The following SHANK2 variants were observed in gnomAD, a reference collection of about 807,000 sequenced individuals.
SHANK2 encodes the protein SH3 and multiple ankyrin repeat domains protein 2.
SHANK2 carries 43 observed loss-of-function variants against 133.7 expected under a neutral mutation model. That is an observed-to-expected ratio of 0.32 (90% CI 0.25 to 0.41). SHANK2 has a LOEUF of 0.41. Among genes scored for constraint, SHANK2 ranks in the 10% least tolerant of loss-of-function variants. SHANK2 has a pLI of 1.00. For synonymous variants in SHANK2, 1,017 were observed against 952.8 expected (o/e 1.07, Z -1.24); for missense variants, 1,994 against 2,235.8 (o/e 0.89, Z 2.18).
chr11:70,614,699 C>T (rs1418780888), intron 17 of SHANK2, among the ~76,000 whole-genome samples: 1 of 152,248 alleles, frequency 6.6e-6, no homozygotes, highest in Non-Finnish European at 1.5e-5. Context: ...GTCTTTGTCT[C>T]AGTGACCAAA....
chr11:70,844,356 C>T lies in SHANK2; in HGVS notation c.1175-23674G>A, dbSNP rs553916816. On this transcript the variant is annotated intron_variant, in intron 11 of 25. Transcript: ENST00000601538. Reference sequence around the variant, plus strand: ...CGTTTTTCCATTTGGGTTGGGGGGCCGGGGGCGGGGCATGAAAATCTCTCC... The same window carrying T: ...CGTTTTTCCATTTGGGTTGGGGGGCTGGGGGCGGGGCATGAAAATCTCTCC... Among the ~76,000 whole-genome samples, 9 of 151,800 alleles carry T rather than the reference C, an allele frequency of 5.9e-5. No individual in the cohort carries two copies. The East Asian group carries it at 1.4e-3, about 23-fold the overall frequency.
At chr11:71,179,622 G>C (rs1260427285) in intron 2 of SHANK2, among the ~76,000 whole-genome samples, 1 of 152,156 alleles carries the variant, frequency 6.6e-6, no homozygotes, top group Non-Finnish European at 1.5e-5. Context: ...TGCATCCAGA[G>C]TGAGATGGAA....
chr11:70,865,788 A>T (rs1189207855), intron 11 of SHANK2, among the ~76,000 whole-genome samples: 3 of 152,204 alleles, frequency 2.0e-5, no homozygotes, highest in Non-Finnish European at 4.4e-5. Flanking sequence ...AGATAGATTC[A>T]TTCATTCATT....
At chr11:71,136,921 G>T (rs1952450205) in intron 3 of SHANK2, among the ~76,000 whole-genome samples, 1 of 152,096 alleles carries the variant, frequency 6.6e-6, no homozygotes, top group Non-Finnish European at 1.5e-5. Flanking sequence ...ACAGTGCAGT[G>T]GCGCGATCTC....
Position 70,489,511 on chromosome 11 carries a change from A to C in SHANK2, c.2552-163T>G, listed in dbSNP as rs551185030. 5.4e-6 allele frequency: 4 copies of C among 738,800 alleles called. No homozygotes were observed. In the African/African-American group the frequency reaches 6.9e-5, roughly 13 times the overall value. 45.8% of individuals were successfully genotyped at this position (738,800 alleles called of 1,614,324 possible). On this transcript the variant is annotated intron_variant, in intron 23 of 25. Transcript: ENST00000601538. ...TACAGTTATCCACCTGAGACTCACA[A>C]GCACGCTGCGCTTTTGCACAGCAGC...
Position 71,075,244 on chromosome 11 carries a change from TC to T in SHANK2, c.943del (p.Glu315SerfsTer10). On this transcript the variant is annotated frameshift_variant, in exon 9 of 26. Coordinates refer to ENST00000601538, the MANE Select transcript of SHANK2 (RefSeq NM_012309.5). LOFTEE classifies it high-confidence loss of function. ...ACRYGHVQHLEHLLFYGADMS... is the reference protein window; with the variant it reads ...ACRYGHVQHLXHLLFYGADMS... ...GTCTGCCCCGTAGAACAGCAGGTGC[TC>T]CAGGTGCTGCACGTGCCCGTACCTG... 2 of 249,582 alleles carry T rather than the reference TC, an allele frequency of 8.0e-6. No individual in the cohort carries two copies. The highest frequency in any genetic ancestry group is 7.3e-5 in the South Asian group (1 of 13,640). The allele number at this position is 249,582 out of a possible 1,614,324, so 15.5% of individuals were successfully genotyped here.
At chr11:71,147,607 C>T (rs1356334371) in intron 2 of SHANK2, among the ~76,000 whole-genome samples, 2 of 152,182 alleles carry the variant, frequency 1.3e-5, no homozygotes, top group African/African-American at 2.4e-5. Flanking sequence ...CTGGTACCAG[C>T]GCTGTGAAAC....
intron 17 of SHANK2, among the ~76,000 whole-genome samples, chr11:70,547,784 CA>C (rs2059713525): frequency 6.6e-6 from 1 of 152,188 alleles, no homozygotes; most frequent in South Asian, 2.1e-4. Flanking sequence ...CTTCCAAGTG[CA>C]AATTAACTCT....
At chr11:71,139,133 G>A (rs1184165675) in intron 3 of SHANK2, among the ~76,000 whole-genome samples, 1 of 152,188 alleles carries the variant, frequency 6.6e-6, no homozygotes, top group Non-Finnish European at 1.5e-5. Context: ...CACAGAATGG[G>A]ACACTCATTT....
Position 70,826,992 on chromosome 11 carries a change from A to T in SHANK2, c.1175-6310T>A, listed in dbSNP as rs113134951. On this transcript the variant is annotated intron_variant, in intron 11 of 25. Coordinates refer to ENST00000601538, the MANE Select transcript of SHANK2 (RefSeq NM_012309.5). ...CTGCACTGTGCTTTTCTATTTTTTT[A>T]AAAAAAAATTTTTTTAAAGAAAAAG... Among the ~76,000 whole-genome samples, 959 of 150,004 alleles carry T rather than the reference A, an allele frequency of 6.4e-3. 4 individuals carry two copies. The highest frequency in any genetic ancestry group is 0.027 in the Middle Eastern group (8 of 294).
intron 17 of SHANK2, among the ~76,000 whole-genome samples, chr11:70,528,691 G>A (rs1354719459): frequency 6.6e-6 from 1 of 151,992 alleles, no homozygotes; most frequent in African/African-American, 2.4e-5. Context: ...GCCCTGACAA[G>A]CGGGTCAGCT....
At chr11:70,649,496 A>G (rs1467958517) in intron 17 of SHANK2, among the ~76,000 whole-genome samples, 1 of 152,210 alleles carries the variant, frequency 6.6e-6, no homozygotes, top group Non-Finnish European at 1.5e-5. Context: ...TGGGGCACTT[A>G]GCACAGGGCC....
At chr11:71,209,101 C>G (rs1430693861) in intron 2 of SHANK2, among the ~76,000 whole-genome samples, 5 of 152,174 alleles carry the variant, frequency 3.3e-5, no homozygotes, top group Non-Finnish European at 7.3e-5. Flanking sequence ...AGCAGAACGT[C>G]CCTCTCAGGC....
chr11:70,699,675 GT>G (rs1945477885), intron 14 of SHANK2, among the ~76,000 whole-genome samples: 2 of 152,314 alleles, frequency 1.3e-5, no homozygotes, highest in African/African-American at 2.4e-5. Flanking sequence ...CAGTTCAAAA[GT>G]AAATAAGGGA....
chr11:71,152,803 G>A (rs1399093228), intron 2 of SHANK2, among the ~76,000 whole-genome samples: 1 of 152,174 alleles, frequency 6.6e-6, no homozygotes, highest in African/African-American at 2.4e-5. Context: ...GACTGGGAGG[G>A]TCTTGACCTT....
intron 2 of SHANK2, among the ~76,000 whole-genome samples, chr11:71,199,838 G>A (rs1348911504): frequency 7.2e-5 from 11 of 152,228 alleles, no homozygotes; most frequent in South Asian, 4.1e-4. Flanking sequence ...GGACAGAGTC[G>A]GGGGTATTAA....
chr11:70,658,027 G>C (rs972479639), intron 17 of SHANK2, among the ~76,000 whole-genome samples: 1 of 152,150 alleles, frequency 6.6e-6, no homozygotes, highest in East Asian at 1.9e-4. Context: ...CCAGGAAACA[G>C]TCCAATGAGC....
At chr11:70,488,646 C>G (rs936797790) in intron 24 of SHANK2, among the ~76,000 whole-genome samples, 3 of 152,210 alleles carry the variant, frequency 2.0e-5, no homozygotes, top group Non-Finnish European at 4.4e-5. Context: ...CTGAGCCAGG[C>G]CTCAGTGAGC....
At position 70,573,406 on chromosome 11, in the gene SHANK2, C is replaced by T. The variant is rs572873166; in HGVS notation, c.2062-70475G>A. Among the ~76,000 whole-genome samples the T allele has an allele frequency of 3.2e-4, 49 of 151,480 alleles. No individual in the cohort carries two copies. The East Asian group carries it at 7.8e-3, about 24-fold the overall frequency. ...GGCGATGGTTTCCCAAGAATACACACGTGAAAACTTATAGAATTGCACACT... is the reference window on the plus strand; with the variant it reads ...GGCGATGGTTTCCCAAGAATACACATGTGAAAACTTATAGAATTGCACACT... On this transcript the variant is annotated intron_variant, in intron 17 of 25. Transcript: ENST00000601538.
Sources: allele counts gnomAD v4.1 joint callset (sites outside exome capture counted in the v4.1 genomes callset), GRCh38; gene constraint gnomAD v4.1.1; transcripts MANE v1.5; gene names NCBI Gene and HGNC (gene_info 2026-07-23, HGNC 2026-07-21).